Variants in PDE4B observed in about 807,000 individuals in gnomAD.
PDE4B encodes the protein 3',5'-cyclic-AMP phosphodiesterase 4B.
PDE4B carries 20 observed loss-of-function variants against 82.2 expected under a neutral mutation model. The ratio of observed to expected loss-of-function variants is 0.24; its 90% CI spans 0.17 to 0.35. The LOEUF (loss-of-function observed/expected upper bound fraction) is 0.35. PDE4B is among the 10% of genes least tolerant of loss of function. The probability of loss-of-function intolerance (pLI) is 1.00; values close to 1 mark genes in which losing one functional copy is unlikely to be tolerated. For synonymous variants in PDE4B, 320 were observed against 318.9 expected (o/e 1.00, Z -0.04); for missense variants, 655 against 907.2 (o/e 0.72, Z 3.57).
chr1:66,153,109 C>T (rs1333114913), intron 3 of PDE4B, among the ~76,000 whole-genome samples: 2 of 152,178 alleles, frequency 1.3e-5, no homozygotes, highest in East Asian at 1.9e-4. Context: ...ACATGCTTCC[C>T]TCTCCCACCT....
intron 1 of PDE4B, among the ~76,000 whole-genome samples, chr1:65,838,177 C>T (rs1460227570): frequency 6.6e-6 from 1 of 151,980 alleles, no homozygotes; most frequent in Non-Finnish European, 1.5e-5. Context: ...GTGAAACCTC[C>T]GCATGTACTT....
chr1:66,261,171 T>G (rs1416717700), intron 6 of PDE4B, among the ~76,000 whole-genome samples: 1 of 152,148 alleles, frequency 6.6e-6, no homozygotes, highest in Non-Finnish European at 1.5e-5. Context: ...TGAAATCAAT[T>G]AGCCATCTCT....
Position 66,064,375 on chromosome 1 carries a change from C to T in PDE4B, c.281+145540C>T, listed in dbSNP as rs556436975. Among the ~76,000 whole-genome samples, 14 of 151,728 alleles carry T rather than the reference C, an allele frequency of 9.2e-5. No individual in the cohort carries two copies. In the South Asian group the frequency reaches 2.5e-3, roughly 27 times the overall value. ...GAGCTGATGCAGAAGAGAAGGGCCA[C>T]TCAATGGAGCTGTGGGATTGGAAGT... On this transcript the variant is annotated intron_variant, in intron 3 of 16. Transcript: ENST00000341517.
chr1:66,317,117 A>T (rs186681421), intron 7 of PDE4B, among the ~76,000 whole-genome samples: 19 of 152,278 alleles, frequency 1.2e-4, no homozygotes, highest in Admixed American at 7.8e-4. Context: ...ACATAAAGCA[A>T]CTGTTTGTCT....
At chr1:66,290,561 C>CT (rs1180998605) in intron 7 of PDE4B, among the ~76,000 whole-genome samples, 14 of 152,106 alleles carry the variant, frequency 9.2e-5, no homozygotes, top group African/African-American at 2.9e-4. Context: ...GAGAGTTCCT[C>CT]TGAGATTTTA....
intron 8 of PDE4B, among the ~76,000 whole-genome samples, chr1:66,340,841 G>A (rs1025816211): frequency 9.2e-5 from 14 of 152,058 alleles, no homozygotes; most frequent in Non-Finnish European, 1.9e-4. Context: ...ATAGTAAAAA[G>A]AAAAATTATC....
intron 3 of PDE4B, among the ~76,000 whole-genome samples, chr1:66,109,224 CT>C (rs1645433122): frequency 6.6e-6 from 1 of 151,850 alleles, no homozygotes; most frequent in South Asian, 2.1e-4. Context: ...TTTGGAGTTT[CT>C]TTACCAAATT....
At chr1:66,244,954 T>C (rs2101668143) in intron 3 of PDE4B, among the ~76,000 whole-genome samples, 1 of 152,310 alleles carries the variant, frequency 6.6e-6, no homozygotes, top group African/African-American at 2.4e-5. Context: ...TTTGTGGACT[T>C]ACCCTCTGCC....
At chr1:65,811,048 C>G (rs1645813770) in intron 1 of PDE4B, among the ~76,000 whole-genome samples, 1 of 152,196 alleles carries the variant, frequency 6.6e-6, no homozygotes, top group Non-Finnish European at 1.5e-5. Context: ...AAACAACACT[C>G]TCTTTTCCCC....
At chr1:65,877,221 A>G (rs1000360591) in intron 1 of PDE4B, among the ~76,000 whole-genome samples, 12 of 152,234 alleles carry the variant, frequency 7.9e-5, no homozygotes, top group Admixed American at 4.6e-4. Context: ...CCAATGGGAC[A>G]GAACAGAGGA....
chr1:65,966,477 G>C (rs1250955169), intron 3 of PDE4B, among the ~76,000 whole-genome samples: 1 of 152,160 alleles, frequency 6.6e-6, no homozygotes, highest in African/African-American at 2.4e-5. Context: ...ACTGACCAAA[G>C]TAATTTACAG....
At chr1:65,984,879 T>C (rs1328525832) in intron 3 of PDE4B, among the ~76,000 whole-genome samples, 2 of 152,144 alleles carry the variant, frequency 1.3e-5, no homozygotes, top group Non-Finnish European at 1.5e-5. Flanking sequence ...TTGCAGTGTT[T>C]TGATTATATG....
intron 3 of PDE4B, among the ~76,000 whole-genome samples, chr1:66,108,899 A>C (rs946927102): frequency 1.3e-5 from 2 of 151,976 alleles, no homozygotes; most frequent in Non-Finnish European, 2.9e-5. Flanking sequence ...TAAATTTCTT[A>C]ATTTCTGTTT....
At chr1:66,148,682 C>T (rs1258394401) in intron 3 of PDE4B, among the ~76,000 whole-genome samples, 1 of 152,158 alleles carries the variant, frequency 6.6e-6, no homozygotes, top group Non-Finnish European at 1.5e-5. Flanking sequence ...CATCCTTAGC[C>T]CTAGGCAATA....
chr1:66,354,460 C>G, intron 8 of PDE4B: 1 of 996,926 alleles, frequency 1.0e-6, no homozygotes, highest in Non-Finnish European at 1.2e-6. Context: ...TTTCTTCTTC[C>G]TTGCAGAGTT....
At chr1:66,362,933 T>C (rs1435461480) in intron 10 of PDE4B, among the ~76,000 whole-genome samples, 1 of 152,208 alleles carries the variant, frequency 6.6e-6, no homozygotes, top group African/African-American at 2.4e-5. Context: ...CAACTAAATT[T>C]ATAAATAGAT....
chr1:66,222,919 G>T (rs1446863442), intron 3 of PDE4B, among the ~76,000 whole-genome samples: 1 of 152,112 alleles, frequency 6.6e-6, no homozygotes, highest in Non-Finnish European at 1.5e-5. Flanking sequence ...TTTTTATAAA[G>T]AAGAATAAAG....
At chr1:65,993,763 T>TA (rs1557483127) in intron 3 of PDE4B, among the ~76,000 whole-genome samples, 1 of 152,132 alleles carries the variant, frequency 6.6e-6, no homozygotes, top group African/African-American at 2.4e-5. Context: ...CTTCTTTTTT[T>TA]AAAAAAATGG....
intron 3 of PDE4B, among the ~76,000 whole-genome samples, chr1:66,140,048 CT>C: frequency 6.6e-6 from 1 of 152,262 alleles, no homozygotes; most frequent in East Asian, 1.9e-4. Flanking sequence ...TAGCTTTTGC[CT>C]TAGGGAAAAT....
Sources: gnomAD v4.1 joint callset for allele counts (sites outside exome capture counted in the v4.1 genomes callset) on GRCh38, gnomAD v4.1.1 for gene constraint, MANE v1.5 for transcripts, NCBI Gene and HGNC (gene_info 2026-07-23, HGNC 2026-07-21) for gene names.